Variants in SHANK2 observed in about 807,000 individuals in gnomAD.
The protein encoded by SHANK2 is SH3 and multiple ankyrin repeat domains 2.
Under a neutral mutation model 133.7 loss-of-function variants are expected in SHANK2, and 43 were observed. That is an observed-to-expected ratio of 0.32 (90% CI 0.25 to 0.41). The LOEUF (loss-of-function observed/expected upper bound fraction) is 0.41, where lower values mean the gene tolerates loss of function less well. Among genes scored for constraint, SHANK2 ranks in the 10% least tolerant of loss-of-function variants. The pLI is 1.00. For synonymous variants in SHANK2, 1,017 were observed against 952.8 expected (o/e 1.07, Z -1.24); for missense variants, 1,994 against 2,235.8 (o/e 0.89, Z 2.18).
At chr11:70,845,958 G>A (rs1172302591) in intron 11 of SHANK2, among the ~76,000 whole-genome samples, 6 of 152,178 alleles carry the variant, frequency 3.9e-5, no homozygotes, top group African/African-American at 1.2e-4. Flanking sequence ...CCCCAGAGAC[G>A]CTGTTCCCCG....
intron 10 of SHANK2, among the ~76,000 whole-genome samples, chr11:70,897,539 T>C (rs1305413148): frequency 1.3e-5 from 2 of 152,224 alleles, no homozygotes; most frequent in Non-Finnish European, 2.9e-5. Flanking sequence ...AACCTCATAA[T>C]TATATGAGCC....
chr11:70,657,708 A>T (rs1555011989), intron 17 of SHANK2, among the ~76,000 whole-genome samples: 1 of 152,234 alleles, frequency 6.6e-6, no homozygotes, highest in Admixed American at 6.5e-5. Flanking sequence ...CATTCCTAGA[A>T]TACTGGAAGT....
intron 10 of SHANK2, among the ~76,000 whole-genome samples, chr11:70,916,598 C>T (rs544360543): frequency 1.3e-5 from 2 of 152,296 alleles, no homozygotes; most frequent in South Asian, 4.2e-4. Flanking sequence ...GCATGATTCA[C>T]CGGCAAGAGG....
intron 10 of SHANK2, among the ~76,000 whole-genome samples, chr11:70,939,981 G>C (rs1200869628): frequency 6.6e-6 from 1 of 152,012 alleles, no homozygotes; most frequent in African/African-American, 2.4e-5. Flanking sequence ...GCTGGGGTGG[G>C]GGTCCAGAGA....
chr11:70,709,064 AG>A lies in SHANK2; in HGVS notation c.1778-10302del, dbSNP rs1307321290. 7.9e-5 allele frequency among the ~76,000 whole-genome samples: 12 copies of A among 152,316 alleles called. No homozygotes were observed. The East Asian group carries it at 2.1e-3, about 27-fold the overall frequency. ...CATCTCTACAAAAAATACACAAATTAGCTGGGCATGGTGGCATGTGCCTATA... is the reference window on the plus strand; with the variant it reads ...CATCTCTACAAAAAATACACAAATTACTGGGCATGGTGGCATGTGCCTATA... On this transcript the variant is annotated intron_variant, in intron 14 of 25. Transcript: ENST00000601538.
intron 14 of SHANK2, among the ~76,000 whole-genome samples, chr11:70,758,329 C>G (rs1439957742): frequency 6.6e-6 from 1 of 152,054 alleles, no homozygotes; most frequent in Non-Finnish European, 1.5e-5. Context: ...TCGAGGTGAG[C>G]TTTCGCTCGC....
At chr11:70,949,706 C>T (rs1303500775) in intron 10 of SHANK2, among the ~76,000 whole-genome samples, 1 of 152,230 alleles carries the variant, frequency 6.6e-6, no homozygotes, top group African/African-American at 2.4e-5. Context: ...CTCGCTGGCA[C>T]TGCCCTGGCC....
In SHANK2 at chr11:70,720,728, C is replaced by T. The variant is rs377019273; in HGVS notation, c.1778-21965G>A. Among the ~76,000 whole-genome samples, 149 of 152,164 alleles carry T rather than the reference C, an allele frequency of 9.8e-4. 3 individuals carry two copies. The South Asian group carries it at 0.028, about 29-fold the overall frequency. ...CTTGCGGTATACATGTGCTGACACA[C>T]GTGAACACGCATGTGAACATACACA... On this transcript the variant is annotated intron_variant, in intron 14 of 25. Coordinates refer to ENST00000601538, the MANE Select transcript of SHANK2 (RefSeq NM_012309.5).
intron 17 of SHANK2, among the ~76,000 whole-genome samples, chr11:70,609,707 ATATAC>A (rs2060630400): frequency 6.6e-6 from 1 of 150,664 alleles, no homozygotes; most frequent in Admixed American, 6.6e-5. Context: ...TTGTATATTC[ATATAC>A]TATATTGTAT....
intron 17 of SHANK2, among the ~76,000 whole-genome samples, chr11:70,588,140 T>A (rs1443665110): frequency 1.3e-5 from 2 of 152,214 alleles, no homozygotes; most frequent in Non-Finnish European, 2.9e-5. Flanking sequence ...TCTCTTCCCA[T>A]CTCCTTGGGC....
At chr11:71,220,034 G>A (rs569683444) in intron 2 of SHANK2, among the ~76,000 whole-genome samples, 11 of 152,076 alleles carry the variant, frequency 7.2e-5, no homozygotes, top group African/African-American at 2.2e-4. Context: ...GACCAGCCTG[G>A]ACAACATAGT....
At chr11:70,525,624 G>T (rs2059385995) in intron 17 of SHANK2, among the ~76,000 whole-genome samples, 1 of 152,092 alleles carries the variant, frequency 6.6e-6, no homozygotes, top group Admixed American at 6.5e-5. Flanking sequence ...GAGCGAACAG[G>T]GTCCTGGTAC....
At chr11:70,784,922 G>A (rs1947616548) in intron 14 of SHANK2, among the ~76,000 whole-genome samples, 1 of 152,226 alleles carries the variant, frequency 6.6e-6, no homozygotes, top group Non-Finnish European at 1.5e-5. Context: ...AGCCACAGGT[G>A]GTCCCCTGCA....
At chr11:71,120,799 A>G (rs1952070994) in intron 3 of SHANK2, among the ~76,000 whole-genome samples, 1 of 152,182 alleles carries the variant, frequency 6.6e-6, no homozygotes, top group African/African-American at 2.4e-5. Flanking sequence ...CTCACCCTTC[A>G]GTTGCAGGAA....
upstream of SHANK2, among the ~76,000 whole-genome samples, chr11:71,252,769 G>C (rs946908652): frequency 6.6e-6 from 1 of 151,414 alleles, no homozygotes; most frequent in Admixed American, 6.6e-5. The surrounding 1 kb of genome is among the most constrained non-coding windows in gnomAD (Gnocchi z 6.3). Context: ...GGGCGTGCGC[G>C]TGGGGTCTGT....
intron 14 of SHANK2, among the ~76,000 whole-genome samples, chr11:70,775,765 T>A (rs1226166818): frequency 3.3e-5 from 5 of 152,192 alleles, no homozygotes; most frequent in Admixed American, 1.3e-4. Flanking sequence ...CCTTTACACA[T>A]CCACTCTACA....
intron 9 of SHANK2, among the ~76,000 whole-genome samples, chr11:71,067,727 T>C (rs1384531867): frequency 6.6e-6 from 1 of 151,838 alleles, no homozygotes; most frequent in Non-Finnish European, 1.5e-5. Context: ...TCAGTCACCA[T>C]CAATGAGACC....
intron 10 of SHANK2, among the ~76,000 whole-genome samples, chr11:70,915,723 G>A (rs1057425947): frequency 5.9e-5 from 9 of 152,186 alleles, no homozygotes; most frequent in African/African-American, 9.7e-5. Context: ...CGGGACGGAC[G>A]GGATGATGGA....
chr11:70,814,626 G>A (rs1224077581), intron 12 of SHANK2, among the ~76,000 whole-genome samples: 2 of 152,370 alleles, frequency 1.3e-5, no homozygotes, highest in East Asian at 3.9e-4. Context: ...GCCAAAGACG[G>A]GCTTCCCAGA....
Sources: allele counts gnomAD v4.1 joint callset (sites outside exome capture counted in the v4.1 genomes callset), GRCh38; gene constraint gnomAD v4.1.1; non-coding constraint Gnocchi (gnomAD v3.1); transcripts MANE v1.5; gene names NCBI Gene and HGNC (gene_info 2026-07-23, HGNC 2026-07-21).